The following ADAMTSL1 variants were observed in gnomAD, a reference collection of about 807,000 sequenced individuals.
ADAMTSL1 encodes the protein ADAMTS-like protein 1.
In ADAMTSL1, 126 loss-of-function variants were observed where a neutral mutation model predicts 201.8. The observed-to-expected ratio is 0.62, with a 90% CI of 0.54 to 0.72. The LOEUF (loss-of-function observed/expected upper bound fraction) is 0.72, where lower values mean the gene tolerates loss of function less well. ADAMTSL1 is among the 30% of genes least tolerant of loss of function. The pLI is 0.00. For missense variants in ADAMTSL1, 2,679 were observed against 2,277.8 expected, an observed-to-expected ratio of 1.18 and a Z score of -3.59; for synonymous variants, 1,121 against 903.4, an observed-to-expected ratio of 1.24 and a Z score of -4.32.
chr9:18,088,317 C>T (rs898218122), intron 1 of ADAMTSL1, among the ~76,000 whole-genome samples: 6 of 152,098 alleles, frequency 3.9e-5, no homozygotes, highest in African/African-American at 1.2e-4. Context: ...AGAGGAAAGT[C>T]TTCATAACAT....
chr9:18,238,471 G>A (rs1377161823), intron 2 of ADAMTSL1, among the ~76,000 whole-genome samples: 1 of 151,974 alleles, frequency 6.6e-6, no homozygotes, highest in East Asian at 1.9e-4. Context: ...GTCATAACTG[G>A]GTGCCAGTCT....
At chr9:18,085,728 G>C (rs183247727) in intron 1 of ADAMTSL1, among the ~76,000 whole-genome samples, 7 of 149,862 alleles carry the variant, frequency 4.7e-5, no homozygotes, top group Admixed American at 2.7e-4. Flanking sequence ...TATATATATA[G>C]CAGGTTATAT....
intron 23 of ADAMTSL1, among the ~76,000 whole-genome samples, chr9:18,839,003 C>A (rs1305353412): frequency 8.2e-5 from 12 of 147,214 alleles, no homozygotes; most frequent in Admixed American, 7.5e-4. Context: ...CCCACCCCCT[C>A]TTTTTAGCAG....
At chr9:18,065,913 G>T (rs1024087661) in intron 1 of ADAMTSL1, among the ~76,000 whole-genome samples, 1 of 149,340 alleles carries the variant, frequency 6.7e-6, no homozygotes, top group Non-Finnish European at 1.5e-5. Context: ...CCTGGGAGGC[G>T]GAGGTTGCAG....
At chr9:18,284,614 G>A (rs1053825330) in intron 2 of ADAMTSL1, among the ~76,000 whole-genome samples, 12 of 152,204 alleles carry the variant, frequency 7.9e-5, no homozygotes, top group Admixed American at 3.3e-4. Context: ...CAAAACTCAC[G>A]GCCTCAAGTA....
intron 2 of ADAMTSL1, among the ~76,000 whole-genome samples, chr9:18,314,579 G>C (rs985567387): frequency 1.3e-5 from 2 of 151,660 alleles, no homozygotes; most frequent in African/African-American, 4.8e-5. Flanking sequence ...GTCTGGAGTT[G>C]TTCATCCCTC....
intron 2 of ADAMTSL1, among the ~76,000 whole-genome samples, chr9:18,450,529 A>T (rs1025098488): frequency 6.6e-6 from 1 of 151,952 alleles, no homozygotes; most frequent in Non-Finnish European, 1.5e-5. Context: ...CATGAAAACC[A>T]TATCTCTTTT....
At chr9:18,510,493 C>G (rs181633805) in intron 2 of ADAMTSL1, among the ~76,000 whole-genome samples, 1 of 149,382 alleles carries the variant, frequency 6.7e-6, no homozygotes, top group Admixed American at 6.6e-5. Context: ...GAGTAGAATC[C>G]TTTCCTTGGT....
At chr9:18,340,188 T>C (rs1321267137) in intron 2 of ADAMTSL1, among the ~76,000 whole-genome samples, 1 of 152,230 alleles carries the variant, frequency 6.6e-6, no homozygotes, top group East Asian at 1.9e-4. Flanking sequence ...TCTGGTTGTT[T>C]CTTTCTATCT....
intron 10 of ADAMTSL1, among the ~76,000 whole-genome samples, chr9:18,680,083 T>C (rs758355661): frequency 5.9e-5 from 9 of 152,232 alleles, no homozygotes; most frequent in South Asian, 2.1e-4. Context: ...AAAACTGTAA[T>C]GGCTTACATT....
intron 2 of ADAMTSL1, among the ~76,000 whole-genome samples, chr9:18,375,895 C>T (rs1284537780): frequency 1.3e-5 from 2 of 152,222 alleles, no homozygotes; most frequent in South Asian, 2.1e-4. Flanking sequence ...TCTAGCTAGC[C>T]ACAGAGTGCT....
chr9:18,256,191 T>A (rs1438070001), intron 2 of ADAMTSL1, among the ~76,000 whole-genome samples: 1 of 152,176 alleles, frequency 6.6e-6, no homozygotes, highest in Non-Finnish European at 1.5e-5. Context: ...TCAGCTTCCA[T>A]GACATGAAAT....
intron 15 of ADAMTSL1, among the ~76,000 whole-genome samples, chr9:18,726,511 CA>C (rs555368005): frequency 0.058 from 7,093 of 121,632 alleles, 304 homozygotes; most frequent in African/African-American, 0.14. Flanking sequence ...ACCCTGTCTC[CA>C]AAAAAAAAAA....
At chr9:18,304,731 G>C (rs1833841110) in intron 2 of ADAMTSL1, among the ~76,000 whole-genome samples, 1 of 151,538 alleles carries the variant, frequency 6.6e-6, no homozygotes, top group Admixed American at 6.6e-5. Context: ...GAAAAAAATA[G>C]TATCTTTGTT....
intron 2 of ADAMTSL1, among the ~76,000 whole-genome samples, chr9:18,179,888 A>G (rs1467740852): frequency 6.6e-6 from 1 of 152,200 alleles, no homozygotes; most frequent in Non-Finnish European, 1.5e-5. Flanking sequence ...CTAAACATGG[A>G]AAGGAACAAC....
chr9:18,622,087 C>CT (rs1440307457), intron 4 of ADAMTSL1, among the ~76,000 whole-genome samples, 156 bp from the exon 5 acceptor site: 2 of 151,908 alleles, frequency 1.3e-5, no homozygotes, highest in African/African-American at 4.8e-5. Flanking sequence ...TCTTTCTTAG[C>CT]TTGATTTAAA....
At chr9:18,254,364 TTTTTTTTTTTTTTTTTG>T (rs1831589177) in intron 2 of ADAMTSL1, among the ~76,000 whole-genome samples, 1 of 113,644 alleles carries the variant, frequency 8.8e-6, no homozygotes. Flanking sequence ...TTTTTTTTTT[TTTTTTTTTTTTTTTTTG>T]AGATGGAATC....
At chr9:18,684,692 T>C (rs1454914705) in intron 12 of ADAMTSL1, 24 bp from the exon 13 acceptor site, 1 of 1,608,664 alleles carries the variant, frequency 6.2e-7, no homozygotes, top group East Asian at 2.2e-5. Flanking sequence ...TCTTCTTTTG[T>C]ATGTGCATGC....
chr9:18,562,714 C>T (rs1411813148), intron 3 of ADAMTSL1, among the ~76,000 whole-genome samples: 3 of 152,084 alleles, frequency 2.0e-5, no homozygotes, highest in African/African-American at 7.2e-5. Context: ...TTGTTCATTC[C>T]TTTTTATTCT....
Sources: allele counts gnomAD v4.1 joint callset (sites outside exome capture counted in the v4.1 genomes callset), GRCh38; gene constraint gnomAD v4.1.1; transcripts MANE v1.5; gene names NCBI Gene and HGNC (gene_info 2026-07-23, HGNC 2026-07-21).